MEGF10: variants seen among roughly 807,000 people sequenced by gnomAD.
The protein encoded by MEGF10 is multiple EGF like domains 10.
MEGF10 carries 86 observed loss-of-function variants against 147.5 expected under a neutral mutation model. The ratio of observed to expected loss-of-function variants is 0.58; its 90% CI spans 0.49 to 0.70. The LOEUF (loss-of-function observed/expected upper bound fraction) is 0.70, where lower values mean the gene tolerates loss of function less well. Ranked by LOEUF, MEGF10 falls within the 30% of genes least tolerant of loss-of-function variation. The pLI is 0.00. For missense variants in MEGF10, 1,329 were observed against 1,487.3 expected, an observed-to-expected ratio of 0.89 and a Z score of 1.75; for synonymous variants, 478 against 525.5, an observed-to-expected ratio of 0.91 and a Z score of 1.24.
At chr5:127,400,180 G>A (rs1006321778) in intron 7 of MEGF10, among the ~76,000 whole-genome samples, 6 of 152,204 alleles carry the variant, frequency 3.9e-5, no homozygotes, top group Non-Finnish European at 7.3e-5. Flanking sequence ...AATCAGATCT[G>A]AGAGGGTTAG....
At chr5:127,283,000 C>T in the MEGF10 span, among the ~76,000 whole-genome samples, 1 of 152,178 alleles carries the variant, frequency 6.6e-6, no homozygotes, top group Non-Finnish European at 1.5e-5. Context: ...TTTCCCCAGT[C>T]CTCTAAAGGG....
At position 127,410,402 on chromosome 5, in the gene MEGF10, T is replaced by A; in HGVS notation, c.931T>A (p.Cys311Ser). The change falls in exon 9 of 25, where the codon TGT (cysteine) becomes AGT (serine). Residue 311 changes from cysteine (C) to serine (S), a missense_variant. By Grantham distance (112) the Cys-to-Ser change is moderately radical (BLOSUM62 -1). Transcript: ENST00000503335. ...CTTGCTTGGTAGGTGCCAGGATGAG[T>A]GTCCTGTTGGGACCTATGGCGTTCT... ...GYTGERCQDE[C>S]PVGTYGVLCA... The A allele has an allele frequency of 6.2e-7, 1 of 1,614,228 alleles. No individual in the cohort carries two copies. The highest frequency in any genetic ancestry group is 8.5e-7 in the Non-Finnish European group (1 of 1,180,036).
In MEGF10 at chr5:127,419,210, C is replaced by T; in HGVS notation, c.1396C>T (p.Pro466Ser). ...CGCKNDAVCS[P>S]VDGSCTCKAG... ...CTGTAAAAATGATGCAGTCTGCTCT[C>T]CTGTGGACGGGTCTTGTACTTGCAA... is the stretch of plus-strand genomic sequence containing the variant. Residue 466 changes from proline to serine, a missense_variant, in exon 11 of 25, where the codon CCT becomes TCT. Around this residue, in one of 3 missense-constraint regions of MEGF10, gnomAD observed 980 missense variants for 1,085.9 expected, o/e 0.90. Coordinates refer to ENST00000503335, the MANE Select transcript of MEGF10 (RefSeq NM_001256545.2). 1.2e-6 allele frequency: 2 copies of T among 1,614,070 alleles called. No individual in the cohort carries two copies. Among genetic ancestry groups the T allele is most frequent in the African/African-American group, 1.3e-5 (1 of 75,036 alleles).
At chr5:127,456,667 T>C (rs186515851) in intron 24 of MEGF10, among the ~76,000 whole-genome samples, 18 of 152,328 alleles carry the variant, frequency 1.2e-4, no homozygotes, top group African/African-American at 4.1e-4. Context: ...AATTCTCCTT[T>C]AAACTGTCCC....
At chr5:127,333,215 A>G (rs1761333168) in intron 2 of MEGF10, among the ~76,000 whole-genome samples, 2 of 152,112 alleles carry the variant, frequency 1.3e-5, no homozygotes, top group South Asian at 4.1e-4. Context: ...TCTGAGGGAA[A>G]GACTATAAGA....
Position 127,407,963 on chromosome 5 carries a change from A to C in MEGF10, c.918-2426A>C, listed in dbSNP as rs116424332. 2.3e-3 allele frequency among the ~76,000 whole-genome samples: 352 copies of C among 152,390 alleles called. 3 individuals carry two copies. The highest frequency in any genetic ancestry group is 0.01 in the Middle Eastern group (3 of 294). On this transcript the variant is annotated intron_variant, in intron 8 of 24. Coordinates refer to ENST00000503335, the MANE Select transcript of MEGF10 (RefSeq NM_001256545.2). ...CATTGACAAAACATAAAATGGGAATATGAATCCAGCTTAAATAATGGCTGC... is the reference window on the plus strand; with the variant it reads ...CATTGACAAAACATAAAATGGGAATCTGAATCCAGCTTAAATAATGGCTGC...
At chr5:127,453,302 C>G (rs1168267883) in intron 22 of MEGF10, among the ~76,000 whole-genome samples, 2 of 152,204 alleles carry the variant, frequency 1.3e-5, no homozygotes, top group African/African-American at 2.4e-5. Context: ...AGCAATCCAC[C>G]CACCTTGGCC....
At chr5:127,386,459 C>T (rs927738949) in intron 5 of MEGF10, among the ~76,000 whole-genome samples, 5 of 152,080 alleles carry the variant, frequency 3.3e-5, no homozygotes, top group East Asian at 1.9e-4. Flanking sequence ...TTCATATTTC[C>T]GGACCCCATA....
intron 1 of MEGF10, among the ~76,000 whole-genome samples, chr5:127,320,107 A>G (rs1445025285): frequency 1.3e-5 from 2 of 152,222 alleles, no homozygotes; most frequent in Non-Finnish European, 2.9e-5. Flanking sequence ...AAGAGAAAAT[A>G]TCACTCTCAT....
At chr5:127,268,776 G>A in the MEGF10 span, among the ~76,000 whole-genome samples, 2 of 152,220 alleles carry the variant, frequency 1.3e-5, no homozygotes, top group Non-Finnish European at 2.9e-5. Context: ...ATCTGAGAAC[G>A]GACAGACTGC....
chr5:127,326,305 G>C (rs1341041332), intron 1 of MEGF10, among the ~76,000 whole-genome samples: 1 of 152,106 alleles, frequency 6.6e-6, no homozygotes, highest in East Asian at 1.9e-4. Context: ...TTTAGAATAT[G>C]CTTGTTGTGG....
chr5:127,382,529 G>T (rs2055801687), intron 5 of MEGF10, among the ~76,000 whole-genome samples: 3 of 152,104 alleles, frequency 2.0e-5, no homozygotes, highest in Non-Finnish European at 4.4e-5. Context: ...TAAGAAAAAA[G>T]AAACTTATGT....
chr5:127,393,480 C>T (rs1474207090), intron 5 of MEGF10, among the ~76,000 whole-genome samples: 2 of 152,174 alleles, frequency 1.3e-5, no homozygotes, highest in Non-Finnish European at 2.9e-5. Context: ...AAGGAAGTCA[C>T]GGTAATGTCT....
intron 1 of MEGF10, among the ~76,000 whole-genome samples, chr5:127,318,940 C>T (rs543222707): frequency 2.0e-5 from 3 of 152,260 alleles, no homozygotes; most frequent in African/African-American, 7.2e-5. Context: ...TTGAAATATA[C>T]ATTTTTCAAT....
chr5:127,418,621 T>C (rs1764866990), intron 10 of MEGF10, among the ~76,000 whole-genome samples: 1 of 152,236 alleles, frequency 6.6e-6, no homozygotes, highest in Admixed American at 6.5e-5. Context: ...ATTCTGCCTT[T>C]AATGCTCCCT....
chr5:127,295,256 T>A (rs2059083), intron 1 of MEGF10, among the ~76,000 whole-genome samples: 58,543 of 152,066 alleles, frequency 0.38, 11,815 homozygotes, highest in Middle Eastern at 0.53. Flanking sequence ...AATTATATCT[T>A]GCTATTTAGA....
chr5:127,394,386 G>A (rs1763822267), intron 5 of MEGF10, among the ~76,000 whole-genome samples: 2 of 152,226 alleles, frequency 1.3e-5, no homozygotes, highest in African/African-American at 2.4e-5. Flanking sequence ...GAGGAGAGTG[G>A]TGAACTGGTT....
intron 1 of MEGF10, among the ~76,000 whole-genome samples, chr5:127,321,835 C>T (rs1760797446): frequency 6.6e-6 from 1 of 152,070 alleles, no homozygotes; most frequent in Non-Finnish European, 1.5e-5. Flanking sequence ...GTGTCCCTGT[C>T]CTCCCCCTAC....
intron 5 of MEGF10, among the ~76,000 whole-genome samples, chr5:127,376,267 C>A (rs1763022592): frequency 6.6e-6 from 1 of 152,056 alleles, no homozygotes; most frequent in South Asian, 2.1e-4. Flanking sequence ...TGTTTTCATG[C>A]CTTTGTCTAT....
Sources: gnomAD v4.1 joint callset for allele counts (sites outside exome capture counted in the v4.1 genomes callset) on GRCh38, gnomAD v4.1.1 for gene constraint, gnomAD v4.1.1 regional missense constraint, MANE v1.5 for transcripts, NCBI Gene and HGNC (gene_info 2026-07-23, HGNC 2026-07-21) for gene names.